Variants in MAP3K2 observed in about 807,000 individuals in gnomAD.
The protein encoded by MAP3K2 is MAP/ERK kinase kinase 2.
A neutral mutation model predicts 80.3 loss-of-function variants in MAP3K2; 24 were observed. That is an observed-to-expected ratio of 0.30 (90% CI 0.22 to 0.42). The LOEUF (loss-of-function observed/expected upper bound fraction) is 0.42, where lower values mean the gene tolerates loss of function less well. Among genes scored for constraint, MAP3K2 ranks in the 10% least tolerant of loss-of-function variants. The pLI is 1.00. For synonymous variants in MAP3K2, 244 were observed against 253.7 expected (o/e 0.96, Z 0.36); for missense variants, 608 against 750.1 (o/e 0.81, Z 2.21).
In MAP3K2 at chr2:127,387,647, G is replaced by A. The variant is rs1687394795; in HGVS notation, c.-261C>T. On this transcript the variant is annotated 5_prime_UTR_variant, in exon 1 of 17. Transcript: ENST00000682094. ...CAGGCCCGTCCCTCTTTCACATGAAGCCCGGGCCGGGCGGGGTGGCGGGCG... is the reference window on the plus strand; with the variant it reads ...CAGGCCCGTCCCTCTTTCACATGAAACCCGGGCCGGGCGGGGTGGCGGGCG... 2 of 985,014 alleles carry A rather than the reference G, an allele frequency of 2.0e-6. No homozygotes were observed. Among genetic ancestry groups the A allele is most frequent in the African/African-American group, 3.5e-5 (2 of 57,170 alleles). The allele number at this position is 985,014 out of a possible 1,614,324, so 61.0% of individuals were successfully genotyped here.
At chr2:127,333,797 G>T (rs1428212982) in intron 5 of MAP3K2, among the ~76,000 whole-genome samples, 1 of 151,070 alleles carries the variant, frequency 6.6e-6, no homozygotes, top group Admixed American at 6.6e-5. Flanking sequence ...ATGGGAAAAG[G>T]TTCTTAAAAA....
intron 1 of MAP3K2, among the ~76,000 whole-genome samples, chr2:127,373,462 G>C (rs1687099591): frequency 6.6e-6 from 1 of 152,144 alleles, no homozygotes; most frequent in African/African-American, 2.4e-5. Flanking sequence ...GATATTAACT[G>C]GCTTTGCCCC....
At chr2:127,313,581 G>T (rs1685847934) in intron 15 of MAP3K2, among the ~76,000 whole-genome samples, 1 of 152,170 alleles carries the variant, frequency 6.6e-6, no homozygotes, top group Admixed American at 6.5e-5. Flanking sequence ...AGAGTCCCCA[G>T]CAAGACCAAT....
chr2:127,327,433 T>C (rs1251989309), intron 7 of MAP3K2, among the ~76,000 whole-genome samples: 14 of 152,144 alleles, frequency 9.2e-5, no homozygotes, highest in Non-Finnish European at 8.8e-5. Context: ...AGGAGCTCAA[T>C]TTGAGTCAGG....
chr2:127,365,013 T>G (rs925995777), intron 1 of MAP3K2, among the ~76,000 whole-genome samples: 1 of 146,706 alleles, frequency 6.8e-6, no homozygotes, highest in African/African-American at 2.5e-5. Context: ...CTGTAATCCC[T>G]GCTACTTGGG....
At chr2:127,313,163 G>C (rs572790480) in intron 15 of MAP3K2, among the ~76,000 whole-genome samples, 14 of 152,080 alleles carry the variant, frequency 9.2e-5, no homozygotes, top group African/African-American at 3.4e-4. Flanking sequence ...CTTACTTCCA[G>C]CCTTCTCTTT....
intron 1 of MAP3K2, among the ~76,000 whole-genome samples, chr2:127,386,985 G>T (rs201936616): frequency 6.6e-6 from 1 of 152,154 alleles, no homozygotes; most frequent in Non-Finnish European, 1.5e-5. Flanking sequence ...CTGGGAAGAT[G>T]AAGAGAGATA....
At chr2:127,308,879 C>T (rs556280416) in intron 15 of MAP3K2, 117 bp from the exon 16 acceptor site, 1 of 1,077,358 alleles carries the variant, frequency 9.3e-7, no homozygotes, top group African/African-American at 1.6e-5. Flanking sequence ...CAAAGTTAGG[C>T]TGCTTTTCAT....
intron 7 of MAP3K2, among the ~76,000 whole-genome samples, chr2:127,328,564 T>C (rs763772506): frequency 6.6e-6 from 1 of 152,220 alleles, no homozygotes; most frequent in Non-Finnish European, 1.5e-5. Flanking sequence ...AAATGTTCTT[T>C]CACCAAATTT....
chr2:127,308,398 G>A (rs1685748878), intron 16 of MAP3K2, among the ~76,000 whole-genome samples, 187 bp downstream of exon 16: 1 of 152,124 alleles, frequency 6.6e-6, no homozygotes, highest in African/African-American at 2.4e-5. Flanking sequence ...ACAGGTTCAA[G>A]GATTCTAACT....
chr2:127,333,549 A>G (rs1419996203), intron 5 of MAP3K2, among the ~76,000 whole-genome samples: 1 of 152,194 alleles, frequency 6.6e-6, no homozygotes, highest in Non-Finnish European at 1.5e-5. Flanking sequence ...TAGTACCCCC[A>G]GTGTCCAAGA....
chr2:127,348,434 T>C lies in MAP3K2; in HGVS notation c.-65-5240A>G, dbSNP rs147697662. Reference sequence around the variant, plus strand: ...AATAAAATTCAGTCATTAAAAAGAATAAAGTACCTATACATGCTCCAACAT... The same window carrying C: ...AATAAAATTCAGTCATTAAAAAGAACAAAGTACCTATACATGCTCCAACAT... On this transcript the variant is annotated intron_variant, in intron 1 of 16. Coordinates refer to ENST00000682094, the MANE Select transcript of MAP3K2 (RefSeq NM_001371910.2). 3.9e-5 allele frequency among the ~76,000 whole-genome samples: 6 copies of C among 152,230 alleles called. No homozygotes were observed. In the East Asian group the frequency reaches 9.6e-4, roughly 24 times the overall value.
intron 5 of MAP3K2, among the ~76,000 whole-genome samples, chr2:127,331,176 G>A (rs1360950066): frequency 6.6e-6 from 1 of 152,020 alleles, no homozygotes; most frequent in Non-Finnish European, 1.5e-5. Flanking sequence ...TGTTATAGAG[G>A]ACAAAAGCAC....
At chr2:127,333,295 CA>C (rs1686297174) in intron 5 of MAP3K2, among the ~76,000 whole-genome samples, 1 of 151,492 alleles carries the variant, frequency 6.6e-6, no homozygotes, top group African/African-American at 2.4e-5. Context: ...CACACACACA[CA>C]CACACACACC....
chr2:127,388,202 G>A, upstream of MAP3K2: 1 of 984,884 alleles, frequency 1.0e-6, no homozygotes, highest in Non-Finnish European at 1.2e-6. Flanking sequence ...CCCCGCCCCT[G>A]CCCCGGGGCA....
At chr2:127,317,225 C>T (rs556828623) in intron 14 of MAP3K2, among the ~76,000 whole-genome samples, 18 of 151,918 alleles carry the variant, frequency 1.2e-4, no homozygotes, top group Admixed American at 2.6e-4. Flanking sequence ...TGAAACCAGC[C>T]TAGGTAACAG....
At chr2:127,367,045 A>G (rs1490350475) in intron 1 of MAP3K2, among the ~76,000 whole-genome samples, 1 of 151,802 alleles carries the variant, frequency 6.6e-6, no homozygotes, top group African/African-American at 2.4e-5. Flanking sequence ...TAATTTTTGT[A>G]TTTTTATTAA....
At chr2:127,354,239 T>A (rs913906312) in intron 1 of MAP3K2, among the ~76,000 whole-genome samples, 718 of 113,398 alleles carry the variant, frequency 6.3e-3, no homozygotes, top group Non-Finnish European at 7.0e-3. Flanking sequence ...GAATGATCAA[T>A]AAAAAAAAAA....
intron 5 of MAP3K2, among the ~76,000 whole-genome samples, chr2:127,332,068 C>G (rs1032346111): frequency 5.3e-5 from 8 of 152,192 alleles, no homozygotes; most frequent in Non-Finnish European, 1.0e-4. Context: ...GACCGACTAA[C>G]TGGGCTCTTT....
Sources: allele counts gnomAD v4.1 joint callset (sites outside exome capture counted in the v4.1 genomes callset), GRCh38; gene constraint gnomAD v4.1.1; transcripts MANE v1.5; gene names NCBI Gene and HGNC (gene_info 2026-07-23, HGNC 2026-07-21).